The following VAV3 variants were observed in gnomAD, a reference collection of about 807,000 sequenced individuals.
VAV3 encodes vav guanine nucleotide exchange factor 3.
Under a neutral mutation model 131.2 loss-of-function variants are expected in VAV3, and 94 were observed. The observed-to-expected ratio is 0.72, with a 90% CI of 0.61 to 0.85. The LOEUF (loss-of-function observed/expected upper bound fraction) is 0.85. Among genes scored for constraint, VAV3 ranks in the 40% least tolerant of loss-of-function variants. The probability of loss-of-function intolerance (pLI) is 0.00; values close to 1 mark genes in which losing one functional copy is unlikely to be tolerated. For synonymous variants in VAV3, 349 were observed against 342.0 expected (o/e 1.02, Z -0.22); for missense variants, 939 against 1,002.7 (o/e 0.94, Z 0.86).
chr1:107,902,539 A>G (rs534304832), intron 1 of VAV3, among the ~76,000 whole-genome samples: 48 of 152,300 alleles, frequency 3.2e-4, no homozygotes, highest in Non-Finnish European at 2.9e-4. Flanking sequence ...AGTCTTATGT[A>G]GGAGTTTTTT....
Position 107,602,467 on chromosome 1 carries a change from T to C in VAV3, c.2150A>G (p.Lys717Arg). 1 of 1,574,350 alleles carries C rather than the reference T, an allele frequency of 6.4e-7. No individual in the cohort carries two copies. Among genetic ancestry groups the C allele is most frequent in the Non-Finnish European group, 8.6e-7 (1 of 1,168,182 alleles). Residue 717 changes from lysine (K) to arginine (R), a missense_variant, in exon 24 of 27, where the codon AAG becomes AGG. By Grantham distance (26) the Lys-to-Arg change is conservative. Coordinates refer to ENST00000370056, the MANE Select transcript of VAV3 (RefSeq NM_006113.5). The stretch of plus-strand genomic sequence containing the variant: ...ATCTCTTGTTAAAATCTTGATGTGC[T>C]TTGCTTCATTATTGTACCTGTGGGC... ...AISIKYNNEAKHIKILTRDGF... is the reference protein window; with the variant it reads ...AISIKYNNEARHIKILTRDGF...
intron 15 of VAV3, among the ~76,000 whole-genome samples, chr1:107,711,655 A>C (rs557837722): frequency 2.0e-5 from 3 of 152,338 alleles, no homozygotes; most frequent in Admixed American, 2.0e-4. Context: ...GTTCTATAAA[A>C]TAAAGTTTTA....
At chr1:107,789,245 CA>C (rs1157045196) in intron 2 of VAV3, among the ~76,000 whole-genome samples, 1 of 152,210 alleles carries the variant, frequency 6.6e-6, no homozygotes, top group Non-Finnish European at 1.5e-5. Context: ...AGCTCGCTGT[CA>C]AAGTCACACA....
chr1:107,910,991 GA>G lies in VAV3; in HGVS notation c.205-35975del, dbSNP rs371799312. 3.4e-3 allele frequency among the ~76,000 whole-genome samples: 435 copies of G among 129,372 alleles called. 2 individuals are homozygous for G. The highest frequency in any genetic ancestry group is 0.012 in the African/African-American group (415 of 35,260). 84.9% of individuals were successfully genotyped at this position (129,372 alleles called of 152,430 possible). A position where few individuals can be genotyped will look rare whatever the true frequency, so the allele number is the denominator to read the frequency against. On this transcript the variant is annotated intron_variant, in intron 1 of 26. Coordinates refer to ENST00000370056, the MANE Select transcript of VAV3 (RefSeq NM_006113.5). ...AGAGCAAGACTCAGTCTCATTAAAA[GA>G]AAAAAAAAAGAAAAAAAAAGCAAGG... is the stretch of plus-strand genomic sequence containing the variant.
chr1:107,752,321 C>T (rs1289565637), intron 12 of VAV3, among the ~76,000 whole-genome samples: 1 of 152,270 alleles, frequency 6.6e-6, no homozygotes, highest in Admixed American at 6.5e-5. Context: ...CATTACCTTA[C>T]ACCATAAATA....
At chr1:107,591,096 G>A (rs1650913987) in intron 25 of VAV3, among the ~76,000 whole-genome samples, 1 of 151,848 alleles carries the variant, frequency 6.6e-6, no homozygotes, top group Admixed American at 6.6e-5. Context: ...TCACACAAAC[G>A]ACCTCTTTGC....
At chr1:107,956,782 C>T (rs535208259) in intron 1 of VAV3, among the ~76,000 whole-genome samples, 5 of 152,128 alleles carry the variant, frequency 3.3e-5, no homozygotes, top group South Asian at 2.1e-4. Context: ...GCAGTCAGCA[C>T]GGTGCGGGTT....
At chr1:107,956,782 C>A (rs535208259) in intron 1 of VAV3, among the ~76,000 whole-genome samples, 1 of 152,128 alleles carries the variant, frequency 6.6e-6, no homozygotes, top group South Asian at 2.1e-4. Context: ...GCAGTCAGCA[C>A]GGTGCGGGTT....
chr1:107,658,896 G>T (rs1363105188), intron 19 of VAV3, among the ~76,000 whole-genome samples: 2 of 152,018 alleles, frequency 1.3e-5, no homozygotes, highest in African/African-American at 2.4e-5. Flanking sequence ...CCATTCTGTA[G>T]GTTGTCTGTT....
chr1:107,931,790 T>C (rs1197884266), intron 1 of VAV3, among the ~76,000 whole-genome samples: 1 of 152,182 alleles, frequency 6.6e-6, no homozygotes, highest in Non-Finnish European at 1.5e-5. Flanking sequence ...CATTACACTA[T>C]GGAAGCAGCC....
rs140859477 is a variant in VAV3 at position 107,908,448 on chromosome 1, T to TA, written c.205-33432dup. On this transcript the variant is annotated intron_variant, in intron 1 of 26. Transcript: ENST00000370056. ...AATGCTCTTCCTGCTAAAATACCTG[T>TA]AGCAATTTATCTTTTCCTGTTTTAG... 3.6e-3 allele frequency among the ~76,000 whole-genome samples: 547 copies of TA among 152,284 alleles called. 3 individuals carry two copies. The highest frequency in any genetic ancestry group is 0.013 in the African/African-American group (520 of 41,544).
intron 24 of VAV3, among the ~76,000 whole-genome samples, chr1:107,597,677 G>A (rs1651501315): frequency 6.6e-6 from 1 of 152,168 alleles, no homozygotes; most frequent in Non-Finnish European, 1.5e-5. Flanking sequence ...AGACATAAAG[G>A]TGATAAACAA....
rs1025553270 is a variant in VAV3, at chr1:107,840,203, TAATGTTGTA to T, written c.321+34689_321+34697del. Among the ~76,000 whole-genome samples the T allele has an allele frequency of 4.6e-5, 7 of 152,324 alleles. No individual in the cohort carries two copies. In the South Asian group the frequency reaches 6.2e-4, roughly 14 times the overall value. ...TGTAAATGTTGTAATGTTGTAAATGTAATGTTGTAAATGTTGTAAATGTTACAGTGTTAG... is the reference window on the plus strand; with the variant it reads ...TGTAAATGTTGTAATGTTGTAAATGTAATGTTGTAAATGTTACAGTGTTAG... On this transcript the variant is annotated intron_variant, in intron 2 of 26. Coordinates refer to ENST00000370056, the MANE Select transcript of VAV3 (RefSeq NM_006113.5).
chr1:107,862,439 T>C (rs760404488), intron 2 of VAV3, among the ~76,000 whole-genome samples: 4 of 151,220 alleles, frequency 2.6e-5, no homozygotes, highest in Non-Finnish European at 5.9e-5. Context: ...AAAATAAACA[T>C]GGAAAGTGCC....
intron 2 of VAV3, among the ~76,000 whole-genome samples, chr1:107,788,595 C>T (rs963079694): frequency 2.3e-4 from 35 of 152,292 alleles, no homozygotes; most frequent in African/African-American, 8.2e-4. Flanking sequence ...AGAAACTTTC[C>T]TCATACACTG....
chr1:107,785,759 G>T, intron 2 of VAV3: 1 of 602,676 alleles, frequency 1.7e-6, no homozygotes, highest in Non-Finnish European at 2.1e-6. Flanking sequence ...TCAACTGCAA[G>T]CTAGAGGCAC....
chr1:107,731,749 A>T (rs1202060879), intron 15 of VAV3, among the ~76,000 whole-genome samples: 1 of 152,214 alleles, frequency 6.6e-6, no homozygotes, highest in African/African-American at 2.4e-5. Context: ...CTTGGAAAGA[A>T]GTTGTACGAA....
intron 2 of VAV3, among the ~76,000 whole-genome samples, chr1:107,871,435 T>A (rs1159263342): frequency 6.6e-6 from 1 of 151,278 alleles, no homozygotes; most frequent in African/African-American, 2.4e-5. Flanking sequence ...GAGTCATATC[T>A]AACCTGAAGG....
intron 19 of VAV3, among the ~76,000 whole-genome samples, chr1:107,667,869 T>C (rs1346741159): frequency 6.6e-6 from 1 of 152,140 alleles, no homozygotes; most frequent in East Asian, 1.9e-4. Flanking sequence ...GGAATGAGCT[T>C]CCTTCCTTGC....
Sources: allele counts gnomAD v4.1 joint callset (sites outside exome capture counted in the v4.1 genomes callset), GRCh38; gene constraint gnomAD v4.1.1; transcripts MANE v1.5; gene names NCBI Gene and HGNC (gene_info 2026-07-23, HGNC 2026-07-21).